C8B: variants seen among roughly 807,000 people sequenced by gnomAD.
C8B encodes the protein complement C8 beta chain.
C8B carries 67 observed loss-of-function variants against 64.6 expected under a neutral mutation model. The observed-to-expected ratio is 1.04, with a 90% CI of 0.85 to 1.27. The LOEUF (loss-of-function observed/expected upper bound fraction) is 1.27. C8B is among the 50% of genes most tolerant of loss of function. The pLI is 0.00. For synonymous variants in C8B, 284 were observed against 257.7 expected, an observed-to-expected ratio of 1.10 and a Z score of -0.98; for missense variants, 790 against 725.2, an observed-to-expected ratio of 1.09 and a Z score of -1.03.
chr1:56,943,986 G>T (rs561507677), intron 7 of C8B, among the ~76,000 whole-genome samples, 162 bp from the exon 8 acceptor site: 1 of 152,228 alleles, frequency 6.6e-6, no homozygotes, highest in East Asian at 1.9e-4. Context: ...GCAGCAAATG[G>T]CACCAGGGCA....
At chr1:56,942,130 T>C (rs1369981113) in intron 8 of C8B, among the ~76,000 whole-genome samples, 1 of 152,246 alleles carries the variant, frequency 6.6e-6, no homozygotes, top group Non-Finnish European at 1.5e-5. Flanking sequence ...ATAGTAGCTA[T>C]ATAATCCTCA....
In C8B at chr1:56,956,750, C is replaced by T; in HGVS notation, c.391+19G>A. 6.2e-7 allele frequency: 1 copy of T among 1,613,560 alleles called. No homozygotes were observed. The highest frequency in any genetic ancestry group is 8.5e-7 in the Non-Finnish European group (1 of 1,179,786). On this transcript the variant is annotated intron_variant, in intron 3 of 11. Transcript: ENST00000371237. ...CCTCATTTCAGGCTTTCCCCTCTTA[C>T]TCCTACATTGATTTATACCTGTCTG...
intron 6 of C8B, among the ~76,000 whole-genome samples, chr1:56,947,952 A>AAAC (rs138294882): frequency 4.0e-5 from 5 of 125,304 alleles, no homozygotes; most frequent in Admixed American, 8.1e-5. Flanking sequence ...AAAACAAAAC[A>AAAC]AAACAAACAA....
Position 56,945,950 on chromosome 1 carries a change from G to T in C8B, c.976C>A (p.Leu326Met). The change falls in exon 7 of 12, where the codon CTG becomes ATG. Residue 326 changes from leucine (L) to methionine (M), a missense_variant. Leu to Met is a conservative substitution (Grantham distance 15, BLOSUM62 2). Coordinates refer to ENST00000371237, the MANE Select transcript of C8B (RefSeq NM_000066.4). Reference protein sequence around the residue: ...EFLQRVKRLPLEYSYGEYRDL... With the variant: ...EFLQRVKRLPMEYSYGEYRDL... Reference sequence around the variant, plus strand: ...CTGTATTCCCCGTAGCTGTACTCCAGGGGCAGCCGCTTAACTCTCTGAAGG... The same window carrying T: ...CTGTATTCCCCGTAGCTGTACTCCATGGGCAGCCGCTTAACTCTCTGAAGG... The T allele has an allele frequency of 1.2e-6, 2 of 1,614,138 alleles. No homozygotes were observed. Among genetic ancestry groups the T allele is most frequent in the Non-Finnish European group, 1.7e-6 (2 of 1,179,998 alleles).
At chr1:56,936,019 C>T (rs1332205674) in intron 9 of C8B, among the ~76,000 whole-genome samples, 1 of 152,182 alleles carries the variant, frequency 6.6e-6, no homozygotes, top group Non-Finnish European at 1.5e-5. Flanking sequence ...ATGGATGAGC[C>T]ACAATGTATT....
At chr1:56,962,394 G>A (rs1431531892) in intron 1 of C8B, among the ~76,000 whole-genome samples, 1 of 152,188 alleles carries the variant, frequency 6.6e-6, no homozygotes, top group Non-Finnish European at 1.5e-5. Context: ...GGATTAAACA[G>A]CATCTTTAGT....
At chr1:56,931,602 ACT>A in intron 11 of C8B, 1 of 535,218 alleles carries the variant, frequency 1.9e-6, no homozygotes, top group South Asian at 1.9e-5. Context: ...AACATGAAGC[ACT>A]CTGTGTTGTA....
Position 56,965,913 on chromosome 1 carries a change from C to T in C8B, c.36G>A (p.Pro12=), listed in dbSNP as rs529299210. 111 of 1,613,994 alleles carry T rather than the reference C, an allele frequency of 6.9e-5. No individual in the cohort carries two copies. The highest frequency in any genetic ancestry group is 8.6e-5 in the Non-Finnish European group (101 of 1,180,002). Residue 12 remains proline (P), a synonymous_variant, in exon 1 of 12, where the codon CCG becomes CCA. Transcript: ENST00000371237. ...KNSRTWAWRA[P]VELFLLCAAL... is the part of the protein sequence containing the mutation. The stretch of plus-strand genomic sequence containing the variant: ...CAGCACAGAGAAGAAATAGCTCCAC[C>T]GGCGCCCTCCAAGCCCATGTCCTGG...
At chr1:56,948,089 G>T (rs1644969154) in intron 6 of C8B, among the ~76,000 whole-genome samples, 1 of 152,172 alleles carries the variant, frequency 6.6e-6, no homozygotes, top group Non-Finnish European at 1.5e-5. Flanking sequence ...GATAGTGCCT[G>T]GCCCAGTGCT....
intron 2 of C8B, chr1:56,959,428 G>A (rs752877404): frequency 1.4e-6 from 1 of 721,904 alleles, no homozygotes; most frequent in Non-Finnish European, 2.5e-6. Flanking sequence ...TAGGGCTGAG[G>A]AGGAGTCAAA....
At chr1:56,964,251 T>A (rs780341242) in intron 1 of C8B, among the ~76,000 whole-genome samples, 3 of 152,216 alleles carry the variant, frequency 2.0e-5, no homozygotes, top group Non-Finnish European at 4.4e-5. Flanking sequence ...GTGAACTTCC[T>A]AATATATATA....
At chr1:56,946,368 G>T (rs907169045) in intron 6 of C8B, among the ~76,000 whole-genome samples, 6 of 152,174 alleles carry the variant, frequency 3.9e-5, no homozygotes, top group Non-Finnish European at 5.9e-5. Flanking sequence ...CCTCTCTGAT[G>T]GGACATGGGG....
chr1:56,960,397 AATTT>A (rs1296860354), intron 1 of C8B, among the ~76,000 whole-genome samples: 2 of 152,368 alleles, frequency 1.3e-5, no homozygotes, highest in Middle Eastern at 3.4e-3. Context: ...TTAATTAATT[AATTT>A]AGGTTAATTA....
At chr1:56,962,227 A>G (rs1451460048) in intron 1 of C8B, among the ~76,000 whole-genome samples, 1 of 152,220 alleles carries the variant, frequency 6.6e-6, no homozygotes, top group Non-Finnish European at 1.5e-5. Flanking sequence ...AAGTAGTTAT[A>G]TCCACCACAT....
intron 8 of C8B, among the ~76,000 whole-genome samples, chr1:56,941,509 CATAGATAGATAGATAGATAGATAGATAG>C (rs200918831): frequency 3.5e-5 from 3 of 86,722 alleles, no homozygotes; most frequent in Non-Finnish European, 5.4e-5. Context: ...TAGATAGATA[CATAGATAGATAGATAGATAGATAGATAG>C]ATAGATAGAT....
intron 5 of C8B, 88 bp downstream of exon 5, chr1:56,951,960 G>GGGCTGTGTCCAAGGTCACACA: frequency 7.4e-7 from 1 of 1,359,752 alleles, no homozygotes; most frequent in Non-Finnish European, 1.0e-6. Flanking sequence ...AAGAGAAAAG[G>GGGCTGTGTCCAAGGTCACACA]GCTAGCAGGC....
chr1:56,941,505 GATAC>G (rs1185010546), intron 8 of C8B, among the ~76,000 whole-genome samples: 41 of 30,024 alleles, frequency 1.4e-3, no homozygotes, highest in East Asian at 3.2e-3. Context: ...TAGATAGATA[GATAC>G]ATAGATAGAT....
intron 4 of C8B, 115 bp from the exon 5 acceptor site, chr1:56,952,295 T>G: frequency 7.1e-7 from 1 of 1,410,274 alleles, no homozygotes; most frequent in Non-Finnish European, 9.9e-7. Context: ...TCAAGGCCCT[T>G]GATACCTGGT....
intron 9 of C8B, among the ~76,000 whole-genome samples, chr1:56,934,161 G>C (rs1229730094): frequency 1.8e-5 from 1 of 56,662 alleles, no homozygotes; most frequent in Non-Finnish European, 3.0e-5. Context: ...TATGTGCAGG[G>C]TCCTTTTTTT....
Sources: gnomAD v4.1 joint callset for allele counts (sites outside exome capture counted in the v4.1 genomes callset) on GRCh38, gnomAD v4.1.1 for gene constraint, MANE v1.5 for transcripts, NCBI Gene and HGNC (gene_info 2026-07-23, HGNC 2026-07-21) for gene names.